Variants in BLTP1 observed in about 807,000 individuals in gnomAD.
BLTP1 encodes bridge-like lipid transfer protein family member 1.
At chr4:122,296,433 G>C in the BLTP1 span, among the ~76,000 whole-genome samples, 3 of 152,134 alleles carry the variant, frequency 2.0e-5, no homozygotes, top group Non-Finnish European at 4.4e-5. Flanking sequence ...CAAACAAATG[G>C]AAAAACATTT....
At chr4:122,279,346 C>G in the BLTP1 span, among the ~76,000 whole-genome samples, 2 of 152,144 alleles carry the variant, frequency 1.3e-5, no homozygotes, top group Non-Finnish European at 2.9e-5. Flanking sequence ...TCAACATTGT[C>G]TTGTCCCTTC....
chr4:122,349,491 A>G, the BLTP1 span: 13 of 1,599,080 alleles, frequency 8.1e-6, no homozygotes, highest in Non-Finnish European at 1.0e-5. The surrounding 1 kb of genome is among the most constrained non-coding windows in gnomAD (Gnocchi z 4.5). Context: ...CAGTCACAAA[A>G]TTCAGATTAC....
chr4:122,291,242 T>C, the BLTP1 span, among the ~76,000 whole-genome samples: 5 of 152,222 alleles, frequency 3.3e-5, no homozygotes, highest in African/African-American at 1.2e-4. Context: ...GCGACAGCCA[T>C]GAACCTTGAG....
At chr4:122,209,957 C>T in the BLTP1 span, 6 of 1,602,838 alleles carry the variant, frequency 3.7e-6, no homozygotes, top group Non-Finnish European at 5.1e-6. Context: ...TGCTTTTATA[C>T]AGCTGCTATT....
At chr4:122,200,069 G>A in the BLTP1 span, 1 of 958,736 alleles carries the variant, frequency 1.0e-6, no homozygotes, top group Non-Finnish European at 1.2e-6. Flanking sequence ...CATATAAGAT[G>A]GTGCCATAAG....
At chr4:122,250,121 T>A in the BLTP1 span, 25 of 488,968 alleles carry the variant, frequency 5.1e-5, no homozygotes, top group Non-Finnish European at 5.8e-5. Flanking sequence ...AAGGTTGAAA[T>A]GTGTATAACA....
At chr4:122,191,746 T>G in the BLTP1 span, among the ~76,000 whole-genome samples, 1 of 152,130 alleles carries the variant, frequency 6.6e-6, no homozygotes, top group Non-Finnish European at 1.5e-5. Flanking sequence ...CTCCTCCCTT[T>G]TCTATCTACA....
At chr4:122,356,495 C>A in the BLTP1 span, 1 of 956,128 alleles carries the variant, frequency 1.0e-6, no homozygotes, top group South Asian at 1.7e-5. Flanking sequence ...TCCTGTAAAT[C>A]ACATACAGAT....
At chr4:122,162,490 G>GA in the BLTP1 span, 6 of 985,164 alleles carry the variant, frequency 6.1e-6, no homozygotes, top group Middle Eastern at 5.2e-4. Flanking sequence ...TGGGAATTGG[G>GA]AAAATTGTAA....
the BLTP1 span, among the ~76,000 whole-genome samples, chr4:122,153,401 A>G: frequency 6.6e-6 from 1 of 152,214 alleles, no homozygotes; most frequent in Non-Finnish European, 1.5e-5. Flanking sequence ...CTTTGTAACT[A>G]TTGAGTGGTA....
chr4:122,298,044 A>G, the BLTP1 span: 34 of 449,982 alleles, frequency 7.6e-5, no homozygotes, highest in South Asian at 1.6e-3. Flanking sequence ...TATCCTACAG[A>G]ACTTAAAATA....
At chr4:122,325,201 G>C in the BLTP1 span, 7 of 1,563,204 alleles carry the variant, frequency 4.5e-6, no homozygotes, top group Non-Finnish European at 6.1e-6. Flanking sequence ...GAGAATATTG[G>C]TGTTTTATAA....
chr4:122,210,976 C>T, the BLTP1 span: 7 of 1,612,652 alleles, frequency 4.3e-6, no homozygotes, highest in East Asian at 2.2e-5. Context: ...TACTTCTTCA[C>T]GCCCACCTAT....
the BLTP1 span, chr4:122,288,987 GA>G: frequency 1.6e-6 from 2 of 1,283,592 alleles, no homozygotes; most frequent in African/African-American, 3.1e-5. Context: ...ATCATATAGA[GA>G]TAATTATCTC....
the BLTP1 span, chr4:122,224,166 A>G: frequency 1.2e-6 from 1 of 841,994 alleles, no homozygotes; most frequent in Non-Finnish European, 1.4e-6. Context: ...GATTTCTTAC[A>G]AAAGACTGGT....
At chr4:122,226,883 A>T in the BLTP1 span, 1 of 1,431,148 alleles carries the variant, frequency 7.0e-7, no homozygotes, top group Non-Finnish European at 9.5e-7. Flanking sequence ...TATGAATTTT[A>T]AAAAATGGAA....
the BLTP1 span, chr4:122,189,801 A>G: frequency 0.24 from 212,143 of 889,308 alleles, 26,347 homozygotes; most frequent in African/African-American, 0.31. Context: ...AGTCCAACAT[A>G]GAATAAAACA....
the BLTP1 span, among the ~76,000 whole-genome samples, chr4:122,297,211 CA>C: frequency 2.3e-4 from 35 of 151,376 alleles, no homozygotes; most frequent in African/African-American, 7.0e-4. Flanking sequence ...TTTAAATTTA[CA>C]AGAAAAAAAA....
chr4:122,295,581 TAAC>T, the BLTP1 span, among the ~76,000 whole-genome samples: 18 of 152,142 alleles, frequency 1.2e-4, no homozygotes, highest in African/African-American at 4.3e-4. Flanking sequence ...GACTCCTCCC[TAAC>T]TCATTTTATA....
Sources: allele counts gnomAD v4.1 joint callset (sites outside exome capture counted in the v4.1 genomes callset), GRCh38; gene constraint gnomAD v4.1.1; non-coding constraint Gnocchi (gnomAD v3.1); transcripts MANE v1.5; gene names NCBI Gene and HGNC (gene_info 2026-07-23, HGNC 2026-07-21).